The following ECM2 variants were observed in gnomAD, a reference collection of about 807,000 sequenced individuals.
The protein encoded by ECM2 is extracellular matrix protein 2.
In ECM2, 57 loss-of-function variants were observed where a neutral mutation model predicts 67.5. That is an observed-to-expected ratio of 0.84 (90% CI 0.68 to 1.05). The LOEUF is 1.05. Among genes scored for constraint, ECM2 ranks in the 50% least tolerant of loss-of-function variants. ECM2 has a pLI of 0.00. For synonymous variants in ECM2, 258 were observed against 294.5 expected (o/e 0.88, Z 1.27); for missense variants, 741 against 822.8 (o/e 0.90, Z 1.22).
At chr9:92,547,110 CGTAAGT>C in the ECM2 span, among the ~76,000 whole-genome samples, 2 of 152,036 alleles carry the variant, frequency 1.3e-5, no homozygotes, top group Non-Finnish European at 2.9e-5. Flanking sequence ...GAACTAGCGG[CGTAAGT>C]GTAACAGTCC....
intron 2 of ECM2, among the ~76,000 whole-genome samples, chr9:92,518,914 C>T (rs1847894429): frequency 6.6e-6 from 1 of 152,092 alleles, no homozygotes; most frequent in African/African-American, 2.4e-5. Context: ...AAATAAAGTT[C>T]ATGATGCAGT....
At chr9:92,522,498 C>T in intron 2 of ECM2, 77 bp downstream of exon 2, 3 of 1,339,162 alleles carry the variant, frequency 2.2e-6, no homozygotes, top group Non-Finnish European at 3.0e-6. Flanking sequence ...TCCCTCTCTC[C>T]CTCTCTCCTT....
upstream of ECM2, among the ~76,000 whole-genome samples, chr9:92,538,831 A>C (rs1311572026): frequency 1.3e-5 from 2 of 152,222 alleles, no homozygotes; most frequent in African/African-American, 2.4e-5. Flanking sequence ...CCCGTGCCAC[A>C]GGGCCATCTG....
chr9:92,552,636 G>T, the ECM2 span, among the ~76,000 whole-genome samples: 2 of 152,168 alleles, frequency 1.3e-5, no homozygotes, highest in African/African-American at 4.8e-5. Flanking sequence ...GGCCATTTGT[G>T]TATCTTCTTT....
intron 2 of ECM2, among the ~76,000 whole-genome samples, chr9:92,522,118 G>C (rs1330931908): frequency 2.0e-5 from 3 of 152,024 alleles, no homozygotes; most frequent in Non-Finnish European, 4.4e-5. Context: ...ACGGAGTCTT[G>C]CTCTGTCGCC....
intron 1 of ECM2, among the ~76,000 whole-genome samples, chr9:92,524,108 G>A (rs1228236124): frequency 1.3e-5 from 2 of 152,168 alleles, no homozygotes; most frequent in Non-Finnish European, 2.9e-5. Context: ...TGTTTGCTAA[G>A]ACGTTCTGTG....
At chr9:92,546,832 A>G in the ECM2 span, among the ~76,000 whole-genome samples, 1 of 152,214 alleles carries the variant, frequency 6.6e-6, no homozygotes, top group African/African-American at 2.4e-5. Flanking sequence ...AAGAATCAGA[A>G]AATCTAAATT....
the ECM2 span, among the ~76,000 whole-genome samples, chr9:92,547,204 A>G: frequency 6.6e-6 from 1 of 152,076 alleles, no homozygotes; most frequent in Non-Finnish European, 1.5e-5. Flanking sequence ...TTTAAAAAGA[A>G]TAAAGAAAGC....
At chr9:92,532,034 A>ATTTTTTTTTTTTTTTTTTTTTTTTT (rs58499748) in intron 1 of ECM2, among the ~76,000 whole-genome samples, 11 of 98,224 alleles carry the variant, frequency 1.1e-4, no homozygotes, top group Admixed American at 2.9e-4. Context: ...TTTTTATTTT[A>ATTTTTTTTTTTTTTTTTTTTTTTTT]TTTTTTTTTT....
chr9:92,553,200 T>A, the ECM2 span, among the ~76,000 whole-genome samples: 31 of 152,348 alleles, frequency 2.0e-4, no homozygotes, highest in South Asian at 6.4e-3. Context: ...TTGTTTGCTT[T>A]GTCGAAGATC....
chr9:92,509,895 A>G lies in ECM2; in HGVS notation c.1306+4T>C, dbSNP rs1313147637. 1 of 1,599,568 alleles carries G rather than the reference A, an allele frequency of 6.3e-7. No individual in the cohort carries two copies. The highest frequency in any genetic ancestry group is 1.4e-5 in the African/African-American group (1 of 73,964). ...CATATCATTGAAAAACAAATATTAA[A>G]TACCTGATAAACTTTCTTCATCGAT... On this transcript the variant is annotated splice_donor_region_variant and intron_variant, in intron 6 of 9. Coordinates refer to ENST00000344604, the MANE Select transcript of ECM2 (RefSeq NM_001393.4).
chr9:92,554,437 C>T, the ECM2 span, among the ~76,000 whole-genome samples: 1 of 152,132 alleles, frequency 6.6e-6, no homozygotes, highest in Non-Finnish European at 1.5e-5. Flanking sequence ...CCCGCATCAC[C>T]CTCCCAAAGT....
At chr9:92,542,322 A>G in the ECM2 span, among the ~76,000 whole-genome samples, 222 of 151,922 alleles carry the variant, frequency 1.5e-3, 1 homozygote, top group Middle Eastern at 0.02. Context: ...GTTTGCAAAT[A>G]TTTTCTCCCA....
chr9:92,505,138 T>A (rs1846921511), intron 7 of ECM2, among the ~76,000 whole-genome samples: 1 of 152,242 alleles, frequency 6.6e-6, no homozygotes, highest in African/African-American at 2.4e-5. Flanking sequence ...GCCTGGAATT[T>A]GTGAGTGGAC....
intron 6 of ECM2, among the ~76,000 whole-genome samples, chr9:92,506,575 G>A (rs950432781): frequency 1.3e-5 from 2 of 152,172 alleles, no homozygotes; most frequent in African/African-American, 4.8e-5. Flanking sequence ...GCATTGCACC[G>A]AATGCCATGT....
At chr9:92,532,142 C>T (rs1456160853) in intron 1 of ECM2, among the ~76,000 whole-genome samples, 1 of 149,742 alleles carries the variant, frequency 6.7e-6, no homozygotes, top group African/African-American at 2.5e-5. Flanking sequence ...ACTACAGGCA[C>T]GAACTACCAC....
intron 9 of ECM2, among the ~76,000 whole-genome samples, chr9:92,496,733 T>G (rs1846365905): frequency 6.6e-6 from 1 of 152,156 alleles, no homozygotes; most frequent in Non-Finnish European, 1.5e-5. Context: ...CCAGAAGCAC[T>G]GAATGAAAAG....
Position 92,515,102 on chromosome 9 carries a change from GT to G in ECM2, c.582del (p.Gln194HisfsTer12). 6.2e-7 allele frequency: 1 copy of G among 1,614,024 alleles called. No individual in the cohort carries two copies. The highest frequency in any genetic ancestry group is 8.5e-7 in the Non-Finnish European group (1 of 1,180,024). Reference sequence around the variant, plus strand: ...TCCATTCCCACCTGAGGAGGTGGCAGTTGCTTATGAAGTAAATTGGTAGGTT... The same window carrying G: ...TCCATTCCCACCTGAGGAGGTGGCAGTGCTTATGAAGTAAATTGGTAGGTT... The part of the protein sequence containing the change: ...QREPTNLLHK[Q>X]LPPPQVGMDR... On this transcript the variant is annotated frameshift_variant, in exon 4 of 10. Transcript: ENST00000344604. LOFTEE classifies it high-confidence loss of function.
chr9:92,535,512 GTTATC>G (rs1461300466), intron 1 of ECM2, among the ~76,000 whole-genome samples: 2 of 151,796 alleles, frequency 1.3e-5, no homozygotes, highest in Non-Finnish European at 2.9e-5. Flanking sequence ...TTTCTTACCA[GTTATC>G]TTAAGTAAAC....
Sources: allele counts gnomAD v4.1 joint callset (sites outside exome capture counted in the v4.1 genomes callset), GRCh38; gene constraint gnomAD v4.1.1; transcripts MANE v1.5; gene names NCBI Gene and HGNC (gene_info 2026-07-23, HGNC 2026-07-21).